The following TCF12 variants were observed in gnomAD, a reference collection of about 807,000 sequenced individuals.
The protein encoded by TCF12 is transcription factor 12, also known as DNA-binding protein HTF4.
Under a neutral mutation model 86.0 loss-of-function variants are expected in TCF12, and 45 were observed. The observed-to-expected ratio is 0.52, with a 90% CI of 0.41 to 0.67. TCF12 has a LOEUF of 0.67. TCF12 is among the 30% of genes least tolerant of loss of function. TCF12 has a pLI of 0.00. For synonymous variants in TCF12, 330 were observed against 299.6 expected (o/e 1.10, Z -1.05); for missense variants, 881 against 859.9 (o/e 1.02, Z -0.31).
intron 12 of TCF12, among the ~76,000 whole-genome samples, chr15:57,234,853 T>C (rs535219088): frequency 2.6e-4 from 39 of 152,286 alleles, no homozygotes; most frequent in African/African-American, 8.9e-4. Flanking sequence ...GATGATTTTT[T>C]TTCTTCTTGT....
intron 3 of TCF12, among the ~76,000 whole-genome samples, chr15:57,063,406 A>C (rs2068609150): frequency 6.6e-6 from 1 of 152,228 alleles, no homozygotes; most frequent in Non-Finnish European, 1.5e-5. Context: ...TCATGTAGGC[A>C]GTACTAAACC....
chr15:57,173,168 T>G (rs7165729), intron 6 of TCF12, among the ~76,000 whole-genome samples: 28,883 of 152,048 alleles, frequency 0.19, 3,293 homozygotes, highest in Non-Finnish European at 0.25. Context: ...ACCCATTGTT[T>G]TAAAAAGAAA....
chr15:57,170,743 TATTATATATTATATATTA>T, intron 6 of TCF12, among the ~76,000 whole-genome samples: 1 of 37,944 alleles, frequency 2.6e-5, no homozygotes, highest in Non-Finnish European at 4.9e-5. Context: ...ATATAATATA[TATTATATATTATATATTA>T]TATATATATT....
At chr15:57,172,482 C>T (rs949331385) in intron 6 of TCF12, among the ~76,000 whole-genome samples, 8 of 152,092 alleles carry the variant, frequency 5.3e-5, no homozygotes, top group Non-Finnish European at 7.4e-5. Context: ...TGGAATCATA[C>T]GCTGGTCCAT....
intron 3 of TCF12, among the ~76,000 whole-genome samples, chr15:57,055,372 G>A (rs1216117758): frequency 6.6e-6 from 1 of 152,150 alleles, no homozygotes; most frequent in Non-Finnish European, 1.5e-5. Context: ...CTGCACTCTG[G>A]CCTGGGTGAC....
chr15:57,111,306 G>A (rs1221295990), intron 5 of TCF12, among the ~76,000 whole-genome samples: 1 of 152,112 alleles, frequency 6.6e-6, no homozygotes, highest in Non-Finnish European at 1.5e-5. Context: ...TTTGCTAGAT[G>A]TTCATTGTGT....
intron 12 of TCF12, 130 bp downstream of exon 12, chr15:57,234,237 T>TA (rs2059289638): frequency 1.4e-6 from 1 of 734,830 alleles, no homozygotes; most frequent in Admixed American, 2.1e-5. Flanking sequence ...CATTTAGAGT[T>TA]ATTCTCGGTT....
intron 3 of TCF12, among the ~76,000 whole-genome samples, chr15:57,056,507 G>A (rs532509687): frequency 6.6e-6 from 1 of 152,148 alleles, no homozygotes; most frequent in Admixed American, 6.5e-5. Flanking sequence ...CACCAAAGCT[G>A]GAGTGCAGTG....
At chr15:56,918,486 C>T, upstream of TCF12, 1 of 318,384 alleles carries the variant, frequency 3.1e-6, no homozygotes, top group Non-Finnish European at 6.2e-6. Flanking sequence ...CCGCCTCACC[C>T]GACCGCGGGC....
intron 3 of TCF12, among the ~76,000 whole-genome samples, chr15:56,949,772 C>G (rs2543675): frequency 6.6e-6 from 1 of 152,048 alleles, no homozygotes; most frequent in South Asian, 2.1e-4. Flanking sequence ...CAGATAAATA[C>G]TAATACAACC....
chr15:57,246,852 C>T (rs774405091), intron 13 of TCF12: 4 of 361,150 alleles, frequency 1.1e-5, no homozygotes, highest in Non-Finnish European at 2.2e-5. Context: ...CAGATTTTTA[C>T]AGTTCCTCTA....
intron 5 of TCF12, among the ~76,000 whole-genome samples, chr15:57,148,021 GGTGCACGTCACCATGCC>G (rs2053483058): frequency 6.6e-6 from 1 of 151,502 alleles, no homozygotes; most frequent in South Asian, 2.1e-4. Context: ...TGGGAGTACA[GGTGCACGTCACCATGCC>G]CTGCTAATTT....
chr15:56,928,426 A>G (rs76928148), intron 3 of TCF12, among the ~76,000 whole-genome samples: 6,154 of 152,206 alleles, frequency 0.04, 373 homozygotes, highest in Admixed American at 0.17. Context: ...GTGATAAGCA[A>G]TTTATGGGCA....
intron 4 of TCF12, among the ~76,000 whole-genome samples, chr15:57,086,877 C>G (rs1458496185): frequency 3.3e-5 from 5 of 151,886 alleles, no homozygotes; most frequent in African/African-American, 4.8e-5. Context: ...GGTGATGATA[C>G]TCTATAAATT....
At chr15:57,254,989 C>T (rs1184786889) in intron 16 of TCF12, among the ~76,000 whole-genome samples, 35 of 151,610 alleles carry the variant, frequency 2.3e-4, no homozygotes, top group Non-Finnish European at 1.5e-5. Context: ...TGCAGAATAA[C>T]TTAATAATTT....
intron 3 of TCF12, among the ~76,000 whole-genome samples, chr15:57,039,656 C>T (rs1176513219): frequency 6.6e-6 from 1 of 151,916 alleles, no homozygotes; most frequent in Non-Finnish European, 1.5e-5. Flanking sequence ...TACCCTCAGC[C>T]CCCAAAATAA....
rs753261578 is a variant in TCF12, at chr15:57,253,268, C to T, written c.1267C>T (p.Arg423Ter). The change falls in exon 16 of 21, where the codon CGA becomes TGA. Residue 423 changes from arginine (R) to a stop codon, truncating the protein, a stop_gained. Coordinates refer to ENST00000333725, the MANE Select transcript of TCF12 (RefSeq NM_207037.2). LOFTEE classifies it high-confidence loss of function. ...SFLKDVCEQS[R>*]MEDRLDRLDD... The stretch of plus-strand genomic sequence containing the variant: ...TTTTTTTTAATCCATACAGCAGTCT[C>T]GAATGGAGGATCGTTTAGACAGACT... 2 of 1,613,888 alleles carry T rather than the reference C, an allele frequency of 1.2e-6. No homozygotes were observed. Among genetic ancestry groups the T allele is most frequent in the East Asian group, 2.2e-5 (1 of 44,862 alleles).
chr15:57,210,509 A>G (rs1475080075), intron 8 of TCF12, among the ~76,000 whole-genome samples: 3 of 152,116 alleles, frequency 2.0e-5, no homozygotes, highest in Admixed American at 6.6e-5. Context: ...TTCTATTTAC[A>G]TGGACAGTGT....
At chr15:57,289,882 C>G (rs982152371), downstream of TCF12, 1 of 152,128 alleles carries the variant, frequency 6.6e-6, no homozygotes, top group Non-Finnish European at 1.5e-5. Context: ...TTCAGCCATC[C>G]TGTCAGAGGT....
Sources: gnomAD v4.1 joint callset for allele counts (sites outside exome capture counted in the v4.1 genomes callset) on GRCh38, gnomAD v4.1.1 for gene constraint, MANE v1.5 for transcripts, NCBI Gene and HGNC (gene_info 2026-07-23, HGNC 2026-07-21) for gene names.